Variants in TMEM154 observed in about 807,000 individuals in gnomAD.
The protein encoded by TMEM154 is transmembrane protein 154.
A neutral mutation model predicts 24.5 loss-of-function variants in TMEM154; 27 were observed. That is an observed-to-expected ratio of 1.10 (90% confidence interval 0.81 to 1.52). TMEM154 has a LOEUF of 1.52. TMEM154 is among the 40% of genes most tolerant of loss of function. The probability of loss-of-function intolerance (pLI) is 0.00; values close to 1 mark genes in which losing one functional copy is unlikely to be tolerated. For synonymous variants in TMEM154, 67 were observed against 76.8 expected, an observed-to-expected ratio of 0.87 and a Z score of 0.67; for missense variants, 228 against 213.4, an observed-to-expected ratio of 1.07 and a Z score of -0.43.
At chr4:152,637,170 A>G (rs1752165871) in intron 6 of TMEM154, among the ~76,000 whole-genome samples, 1 of 152,238 alleles carries the variant, frequency 6.6e-6, no homozygotes, top group Non-Finnish European at 1.5e-5. Flanking sequence ...CCTAAAAATA[A>G]TCTTTTAAAA....
intron 1 of TMEM154, among the ~76,000 whole-genome samples, chr4:152,678,312 C>T (rs1237718900): frequency 6.6e-6 from 1 of 151,816 alleles, no homozygotes; most frequent in Admixed American, 6.6e-5. Context: ...CTTTTTGCAT[C>T]TCCTGAATTG....
Position 152,620,356 on chromosome 4 carries a change from G to A in TMEM154, c.*8190C>T, listed in dbSNP as rs1197535401. ...ACTTATCACCCCTATTCTAAGCCCTGGCTTTTTTCTCAGCATGATAGACCA... is the reference window on the plus strand; with the variant it reads ...ACTTATCACCCCTATTCTAAGCCCTAGCTTTTTTCTCAGCATGATAGACCA... On this transcript the variant is annotated 3_prime_UTR_variant, in exon 7 of 7. Coordinates refer to ENST00000304385, the MANE Select transcript of TMEM154 (RefSeq NM_152680.3). The A allele has an allele frequency of 6.6e-6, 1 of 152,078 alleles. No homozygotes were observed. The highest frequency in any genetic ancestry group is 1.9e-4 in the East Asian group (1 of 5,198). 9.4% of individuals were successfully genotyped at this position (152,078 alleles called of 1,614,324 possible).
rs1357780530 is a variant in TMEM154 at position 152,640,989 on chromosome 4, G to A, written c.479-4C>T. ...GTAGGTAAACATTCAAAGTCGGCTA[G>A]GACAGAATAAAAGCAAACTCATTGT... On this transcript the variant is annotated splice_polypyrimidine_tract_variant and splice_region_variant and intron_variant, in intron 5 of 6. Coordinates refer to ENST00000304385, the MANE Select transcript of TMEM154 (RefSeq NM_152680.3). The A allele has an allele frequency of 6.2e-7, 1 of 1,608,226 alleles. No homozygotes were observed.
chr4:152,664,293 A>G (rs905898607), intron 1 of TMEM154, among the ~76,000 whole-genome samples: 6 of 151,148 alleles, frequency 4.0e-5, no homozygotes, highest in Admixed American at 1.3e-4. Context: ...CAAACACCAC[A>G]TGTTCTCACT....
At chr4:152,654,341 C>T (rs1728448193) in intron 1 of TMEM154, among the ~76,000 whole-genome samples, 1 of 152,300 alleles carries the variant, frequency 6.6e-6, no homozygotes, top group Admixed American at 6.5e-5. Context: ...TGCTTTAAAC[C>T]ACACTCTGCG....
In TMEM154 at chr4:152,621,190, G is replaced by A. The variant is rs1751838942; in HGVS notation, c.*7356C>T. 1.3e-5 allele frequency: 2 copies of A among 152,242 alleles called. No homozygotes were observed. The highest frequency in any genetic ancestry group is 4.8e-5 in the African/African-American group (2 of 41,460). 9.4% of individuals were successfully genotyped at this position (152,242 alleles called of 1,614,324 possible). On this transcript the variant is annotated 3_prime_UTR_variant, in exon 7 of 7. Coordinates refer to ENST00000304385, the MANE Select transcript of TMEM154 (RefSeq NM_152680.3). ...TTAAAAGTGGCTGACCTACTTGGGA[G>A]GCTCACCCTTGTGCTGGTTCCCTCT... is the stretch of plus-strand genomic sequence containing the variant.
At chr4:152,633,641 G>A (rs1237382966) in intron 6 of TMEM154, among the ~76,000 whole-genome samples, 1 of 152,078 alleles carries the variant, frequency 6.6e-6, no homozygotes, top group African/African-American at 2.4e-5. Context: ...ACATTAGCAA[G>A]CAATTTTTCT....
intron 6 of TMEM154, among the ~76,000 whole-genome samples, chr4:152,637,609 T>C (rs549286060): frequency 5.8e-4 from 88 of 152,308 alleles, no homozygotes; most frequent in South Asian, 1.7e-3. Flanking sequence ...TATATCATCC[T>C]GTGAAACTAG....
intron 6 of TMEM154, among the ~76,000 whole-genome samples, chr4:152,630,007 G>A (rs898877763): frequency 6.6e-6 from 1 of 152,018 alleles, no homozygotes; most frequent in Non-Finnish European, 1.5e-5. Context: ...ATCTGAGGCA[G>A]GGAAGTGAAC....
Position 152,640,973 on chromosome 4 carries a change from C to G in TMEM154, c.491G>C (p.Cys164Ser), listed in dbSNP as rs1373331248. The G allele has an allele frequency of 2.6e-6, 4 of 1,564,922 alleles. No individual in the cohort carries two copies. In the South Asian group the frequency reaches 4.5e-5, roughly 17 times the overall value. ...NSMNRNADFE[C>S]LPTLKEEKES... ...CTTCTCTTCCTTCAAGGTAGGTAAA[C>G]ATTCAAAGTCGGCTAGGACAGAATA... The change falls in exon 6 of 7, where the codon TGT (cysteine) becomes TCT (serine). Residue 164 changes from cysteine to serine, a missense_variant. Transcript: ENST00000304385.
In TMEM154 at chr4:152,626,538, A is replaced by G. The variant is rs1049887595; in HGVS notation, c.*2008T>C. The G allele has an allele frequency of 1.3e-5, 2 of 152,216 alleles. No homozygotes were observed. Among genetic ancestry groups the G allele is most frequent in the African/African-American group, 4.8e-5 (2 of 41,462 alleles). 9.4% of individuals were successfully genotyped at this position (152,216 alleles called of 1,614,324 possible). A position where few individuals can be genotyped will look rare whatever the true frequency, so the allele number is the denominator to read the frequency against. On this transcript the variant is annotated 3_prime_UTR_variant, in exon 7 of 7. Transcript: ENST00000304385. ...ACACTGCACAATTATAGCTTTACCA[A>G]ATAAAAACTCAATGACATGTCGCTG...
chr4:152,631,526 T>G (rs1579508303), intron 6 of TMEM154, among the ~76,000 whole-genome samples: 1 of 149,948 alleles, frequency 6.7e-6, no homozygotes, highest in African/African-American at 2.5e-5. Flanking sequence ...CTCGACCTCC[T>G]GGGCTCCAGC....
intron 4 of TMEM154, among the ~76,000 whole-genome samples, chr4:152,643,764 C>T (rs1383006370): frequency 1.3e-5 from 2 of 152,160 alleles, no homozygotes; most frequent in Non-Finnish European, 2.9e-5. Flanking sequence ...GAAGGATGGA[C>T]CACCAGCTCT....
At chr4:152,640,680 T>C (rs1752237580) in intron 6 of TMEM154, among the ~76,000 whole-genome samples, 1 of 152,210 alleles carries the variant, frequency 6.6e-6, no homozygotes, top group Non-Finnish European at 1.5e-5. Context: ...AGTGTCTCTT[T>C]AGAAGGGCAA....
intron 1 of TMEM154, among the ~76,000 whole-genome samples, chr4:152,662,822 C>T (rs751384347): frequency 2.0e-5 from 3 of 152,154 alleles, no homozygotes; most frequent in Non-Finnish European, 4.4e-5. Flanking sequence ...TGGAGGAAGG[C>T]AGAACTCTCT....
rs962142146 is a variant in TMEM154 at position 152,626,609 on chromosome 4, A to G, written c.*1937T>C. ...TTGAAATTATTTAAAATACTGCATGAGAATATTTTTATCATATTATATAAT... is the reference window on the plus strand; with the variant it reads ...TTGAAATTATTTAAAATACTGCATGGGAATATTTTTATCATATTATATAAT... On this transcript the variant is annotated 3_prime_UTR_variant, in exon 7 of 7. Coordinates refer to ENST00000304385, the MANE Select transcript of TMEM154 (RefSeq NM_152680.3). The G allele has an allele frequency of 6.6e-6, 1 of 152,214 alleles. No individual in the cohort carries two copies. Among genetic ancestry groups the G allele is most frequent in the East Asian group, 1.9e-4 (1 of 5,202 alleles). The allele number at this position is 152,214 out of a possible 1,614,324, so 9.4% of individuals were successfully genotyped here.
chr4:152,641,104 G>A (rs1388563420), intron 5 of TMEM154, 119 bp from the exon 6 acceptor site: 2 of 847,024 alleles, frequency 2.4e-6, no homozygotes, highest in East Asian at 5.8e-5. Flanking sequence ...CACAAAAATG[G>A]CCTCACCAAG....
intron 1 of TMEM154, among the ~76,000 whole-genome samples, chr4:152,653,351 C>T (rs1265536224): frequency 2.0e-5 from 3 of 151,434 alleles, no homozygotes; most frequent in Non-Finnish European, 2.9e-5. Flanking sequence ...ACATGCCATA[C>T]AGCACTTTTA....
rs1751844352 is a variant in TMEM154, at chr4:152,621,559, G to A, written c.*6987C>T. ...GGTAGATTGATGCCATAATGGACCA[G>A]GTTTAACTTTAGTTGAGACTTTTAG... On this transcript the variant is annotated 3_prime_UTR_variant, in exon 7 of 7. Transcript: ENST00000304385. 1 of 152,166 alleles carries A rather than the reference G, an allele frequency of 6.6e-6. No homozygotes were observed. Among genetic ancestry groups the A allele is most frequent in the African/African-American group, 2.4e-5 (1 of 41,426 alleles). The allele number at this position is 152,166 out of a possible 1,614,324, so 9.4% of individuals were successfully genotyped here.
Sources: gnomAD v4.1 joint callset for allele counts (sites outside exome capture counted in the v4.1 genomes callset) on GRCh38, gnomAD v4.1.1 for gene constraint, MANE v1.5 for transcripts, NCBI Gene and HGNC (gene_info 2026-07-23, HGNC 2026-07-21) for gene names.